MYBL1: variants seen among roughly 807,000 people sequenced by gnomAD.
MYBL1 encodes myb-related protein A.
MYBL1 carries 17 observed loss-of-function variants against 96.3 expected under a neutral mutation model. That is an observed-to-expected ratio of 0.18 (90% CI 0.12 to 0.26). MYBL1 has a LOEUF of 0.26. MYBL1 is among the 10% of genes least tolerant of loss of function. The pLI is 1.00. For synonymous variants in MYBL1, 282 were observed against 292.7 expected (o/e 0.96, Z 0.37); for missense variants, 701 against 882.9 (o/e 0.79, Z 2.61).
At chr8:66,596,176 A>C (rs1809842714) in intron 5 of MYBL1, among the ~76,000 whole-genome samples, 1 of 152,184 alleles carries the variant, frequency 6.6e-6, no homozygotes. Flanking sequence ...AACCAGCTAT[A>C]CGAGAACAGA....
At chr8:66,581,404 C>T (rs1223684407) in intron 8 of MYBL1, among the ~76,000 whole-genome samples, 2 of 152,082 alleles carry the variant, frequency 1.3e-5, no homozygotes, top group Non-Finnish European at 2.9e-5. Flanking sequence ...AGAACAGGTA[C>T]GGTGGCTCAC....
rs114052905 is a variant in MYBL1, at chr8:66,582,139, C to T, written c.868-1773G>A. Among the ~76,000 whole-genome samples, 772 of 152,134 alleles carry T rather than the reference C, an allele frequency of 5.1e-3. 4 individuals carry two copies. Among genetic ancestry groups the T allele is most frequent in the African/African-American group, 0.018 (727 of 41,508 alleles). On this transcript the variant is annotated intron_variant, in intron 8 of 15. Transcript: ENST00000522677. ...GAGGAAGAAAGGAACAAAGAATACACAAAAACAGAAAATAATTAACAAAAT... is the reference window on the plus strand; with the variant it reads ...GAGGAAGAAAGGAACAAAGAATACATAAAAACAGAAAATAATTAACAAAAT...
intron 8 of MYBL1, among the ~76,000 whole-genome samples, chr8:66,589,142 TAGTG>T (rs1362853175): frequency 9.2e-5 from 14 of 152,220 alleles, no homozygotes; most frequent in Admixed American, 8.5e-4. Flanking sequence ...AGATTTTAGA[TAGTG>T]AGTTCTAAAA....
At chr8:66,584,341 T>C (rs1328709805) in intron 8 of MYBL1, among the ~76,000 whole-genome samples, 4 of 152,128 alleles carry the variant, frequency 2.6e-5, no homozygotes, top group Admixed American at 2.0e-4. Flanking sequence ...TCACCACTTC[T>C]ATTCAACACA....
At chr8:66,604,697 C>A (rs1810242501) in intron 1 of MYBL1, among the ~76,000 whole-genome samples, 1 of 151,692 alleles carries the variant, frequency 6.6e-6, no homozygotes, top group African/African-American at 2.4e-5. Context: ...ATAGATCAAC[C>A]AAGGTAATGA....
In MYBL1 at chr8:66,566,924, T is replaced by C. The variant is rs185819379; in HGVS notation, c.1797A>G (p.Leu599=). The C allele has an allele frequency of 4.4e-5, 71 of 1,613,388 alleles. No homozygotes were observed. The highest frequency in any genetic ancestry group is 3.5e-4 in the African/African-American group (26 of 75,046). ...CAGGTTCATCTTCCTCTTTGAGGAATAGGTCTGTTCCAGTTTCTTCTTTTA... is the reference window on the plus strand; with the variant it reads ...CAGGTTCATCTTCCTCTTTGAGGAACAGGTCTGTTCCAGTTTCTTCTTTTA... ...EVLKEETGTD[L]FLKEEDEPAY... is the part of the protein sequence containing the mutation. Residue 599 remains leucine, a synonymous_variant, in exon 13 of 16, where the codon CTA becomes CTG. Transcript: ENST00000522677.
chr8:66,591,950 T>G (rs1233747289), intron 8 of MYBL1, among the ~76,000 whole-genome samples: 1 of 152,034 alleles, frequency 6.6e-6, no homozygotes, highest in East Asian at 1.9e-4. Context: ...TAAATTATGC[T>G]CAAAGAAATG....
At chr8:66,605,628 C>T (rs1377052919) in intron 1 of MYBL1, among the ~76,000 whole-genome samples, 4 of 152,070 alleles carry the variant, frequency 2.6e-5, no homozygotes, top group African/African-American at 4.8e-5. Flanking sequence ...CAAGACCAGC[C>T]TGGCCAACAT....
intron 12 of MYBL1, among the ~76,000 whole-genome samples, chr8:66,569,093 T>A (rs1808627805): frequency 6.6e-6 from 1 of 152,154 alleles, no homozygotes; most frequent in Non-Finnish European, 1.5e-5. Context: ...TTTTTCCTGA[T>A]CCTCTCTCTT....
intron 7 of MYBL1, 106 bp downstream of exon 7, chr8:66,593,014 G>A (rs992362155): frequency 1.0e-4 from 71 of 677,710 alleles, no homozygotes; most frequent in Admixed American, 2.9e-4. Context: ...AGGACAGATC[G>A]TATTATTTTT....
At chr8:66,608,819 T>A (rs1199300391) in intron 1 of MYBL1, among the ~76,000 whole-genome samples, 1 of 152,114 alleles carries the variant, frequency 6.6e-6, no homozygotes, top group African/African-American at 2.4e-5. Flanking sequence ...AGTGTAATTA[T>A]CTAGAAGACA....
chr8:66,587,534 G>A (rs1809469336), intron 8 of MYBL1, among the ~76,000 whole-genome samples: 1 of 152,102 alleles, frequency 6.6e-6, no homozygotes, highest in Non-Finnish European at 1.5e-5. Flanking sequence ...GTTTTCTAGT[G>A]TTTTATAATT....
At position 66,570,791 on chromosome 8, in the gene MYBL1, T is replaced by C. The variant is rs1478145224; in HGVS notation, c.1728+1691A>G. ...AACGTTAAAAATTATGGGATAAATA[T>C]ATACATTTACTTGGTTAAATTAAAA... On this transcript the variant is annotated intron_variant, in intron 12 of 15. Coordinates refer to ENST00000522677, the MANE Select transcript of MYBL1 (RefSeq NM_001080416.4). Among the ~76,000 whole-genome samples the C allele has an allele frequency of 2.6e-5, 4 of 152,234 alleles. No individual in the cohort carries two copies. In the South Asian group the frequency reaches 8.3e-4, roughly 32 times the overall value.
At position 66,602,436 on chromosome 8, in the gene MYBL1, T is replaced by C. The variant is rs1333355615; in HGVS notation, c.108A>G (p.Val36=). 2 of 1,596,164 alleles carry C rather than the reference T, an allele frequency of 1.3e-6. No homozygotes were observed. The highest frequency in any genetic ancestry group is 1.1e-5 in the South Asian group (1 of 89,096). The stretch of plus-strand genomic sequence containing the variant: ...TAATTACCTCGTCCCTTGTCCATTT[T>C]ACTCTGTTCCAGAGTTTCTTCAGTC... ...QKGLKKLWNR[V]KWTRDEDDKL... is the part of the protein sequence containing the mutation. The change falls in exon 2 of 16, where the codon GTA becomes GTG. Residue 36 remains valine, a synonymous_variant. Coordinates refer to ENST00000522677, the MANE Select transcript of MYBL1 (RefSeq NM_001080416.4).
chr8:66,567,112 A>G (rs1808535626), intron 12 of MYBL1, 120 bp from the exon 13 acceptor site: 1 of 609,858 alleles, frequency 1.6e-6, no homozygotes, highest in African/African-American at 1.8e-5. Context: ...CCTAGCCCCT[A>G]TAGATACATT....
At chr8:66,587,783 T>G (rs1390778761) in intron 8 of MYBL1, among the ~76,000 whole-genome samples, 1 of 152,228 alleles carries the variant, frequency 6.6e-6, no homozygotes, top group Non-Finnish European at 1.5e-5. Context: ...AACTGATATG[T>G]GGCTAGTGCA....
chr8:66,605,678 T>C (rs1810283615), intron 1 of MYBL1, among the ~76,000 whole-genome samples: 3 of 151,860 alleles, frequency 2.0e-5, no homozygotes, highest in African/African-American at 7.3e-5. Context: ...TAGCGGAGCA[T>C]GATGGTGGGT....
chr8:66,569,151 A>G (rs892219663), intron 12 of MYBL1, among the ~76,000 whole-genome samples: 22 of 151,990 alleles, frequency 1.4e-4, no homozygotes, highest in African/African-American at 5.3e-4. Flanking sequence ...GTTCCTCTCT[A>G]TACGTCCACA....
chr8:66,602,429 T>C lies in MYBL1; in HGVS notation c.115A>G (p.Thr39Ala), dbSNP rs1270531426. The C allele has an allele frequency of 6.3e-7, 1 of 1,589,516 alleles. No homozygotes were observed. ...TGTCAGATAATTACCTCGTCCCTTG[T>C]CCATTTTACTCTGTTCCAGAGTTTC... is the stretch of plus-strand genomic sequence containing the variant. ...LKKLWNRVKW[T>A]RDEDDKLKKL... Residue 39 changes from threonine to alanine, a missense_variant, in exon 2 of 16, where the codon ACA becomes GCA. Thr to Ala is a moderately conservative substitution (Grantham distance 58). Transcript: ENST00000522677.
Sources: allele counts gnomAD v4.1 joint callset (sites outside exome capture counted in the v4.1 genomes callset), GRCh38; gene constraint gnomAD v4.1.1; transcripts MANE v1.5; gene names NCBI Gene and HGNC (gene_info 2026-07-23, HGNC 2026-07-21).